N4BP3: variants seen among roughly 807,000 people sequenced by gnomAD.
N4BP3 encodes the protein NEDD4-binding protein 3.
Under a neutral mutation model 43.8 loss-of-function variants are expected in N4BP3, and 33 were observed. That is an observed-to-expected ratio of 0.75 (90% CI 0.57 to 1.01). The LOEUF (loss-of-function observed/expected upper bound fraction) is 1.01, where lower values mean the gene tolerates loss of function less well. Among genes scored for constraint, N4BP3 ranks in the 50% least tolerant of loss-of-function variants. The probability of loss-of-function intolerance (pLI) is 0.00; values close to 1 mark genes in which losing one functional copy is unlikely to be tolerated. For synonymous variants in N4BP3, 326 were observed against 321.9 expected, an observed-to-expected ratio of 1.01 and a Z score of -0.14; for missense variants, 756 against 744.2, an observed-to-expected ratio of 1.02 and a Z score of -0.18.
chr5:178,117,388 G>A (rs1483595925), intron 1 of N4BP3, among the ~76,000 whole-genome samples: 1 of 152,060 alleles, frequency 6.6e-6, no homozygotes, highest in African/African-American at 2.4e-5. Context: ...TAGACATTGG[G>A]CAGCCATGAC....
At position 178,121,670 on chromosome 5, in the gene N4BP3, G is replaced by A. The variant is rs761823871; in HGVS notation, c.1304G>A (p.Arg435Gln). Residue 435 changes from arginine (R) to glutamine (Q), a missense_variant, in exon 5 of 5, where the codon CGG (arginine) becomes CAG (glutamine). Physicochemically the swap from Arg to Gln is conservative, Grantham distance 43. Transcript: ENST00000274605. Reference protein sequence around the residue: ...AVRSLQEQAPREEAPGSCETD... With the variant: ...AVRSLQEQAPQEEAPGSCETD... ...CGCAGCCTGCAGGAGCAGGCCCCTC[G>A]GGAGGAAGCCCCAGGCAGCTGTGAG... The A allele has an allele frequency of 2.0e-5, 33 of 1,611,642 alleles. No homozygotes were observed. Among genetic ancestry groups the A allele is most frequent in the Middle Eastern group, 1.6e-4 (1 of 6,082 alleles).
At chr5:178,115,871 T>C (rs1032222558) in intron 1 of N4BP3, among the ~76,000 whole-genome samples, 7 of 152,318 alleles carry the variant, frequency 4.6e-5, no homozygotes, top group Middle Eastern at 3.4e-3. Context: ...ATTCCAGTGC[T>C]GCCTGCTAAT....
At position 178,119,523 on chromosome 5, in the gene N4BP3, C is replaced by T. The variant is rs541568259; in HGVS notation, c.-30-31C>T. The T allele has an allele frequency of 1.3e-5, 19 of 1,467,056 alleles. No individual in the cohort carries two copies. In the Admixed American group the frequency reaches 2.3e-4, roughly 18 times the overall value. The allele number at this position is 1,467,056 out of a possible 1,614,324, so 90.9% of individuals were successfully genotyped here. On this transcript the variant is annotated intron_variant, in intron 1 of 4. Transcript: ENST00000274605. ...AGGGAAGTTGGGCAGCCAGTGCTCA[C>T]CTGCCCCTAATGGAGCCTCCCAATT...
Position 178,121,194 on chromosome 5 carries a change from C to A in N4BP3, c.949C>A (p.Arg317Ser). The change falls in exon 4 of 5, where the codon CGC becomes AGC. Residue 317 changes from arginine to serine, a missense_variant. Physicochemically the swap from Arg to Ser is moderately radical, Grantham distance 110. Coordinates refer to ENST00000274605, the MANE Select transcript of N4BP3 (RefSeq NM_015111.2). ...GACCCAGAAGGCTGAGCGCAGCGAG[C>A]GCAACCTCCAGCTGCAGCTGTTTAT... ...EVTQKAERSE[R>S]NLQLQLFMAQ... 1 of 1,601,856 alleles carries A rather than the reference C, an allele frequency of 6.2e-7. No homozygotes were observed.
rs900980154 is a variant in N4BP3 at position 178,122,727 on chromosome 5, C to T, written c.*726C>T. ...GCATTTTGAGAACATGAAATGTCTT[C>T]TTGGTGGGAAGGCTGGGCCCCAGGA... On this transcript the variant is annotated 3_prime_UTR_variant, in exon 5 of 5. Coordinates refer to ENST00000274605, the MANE Select transcript of N4BP3 (RefSeq NM_015111.2). 9.2e-5 allele frequency: 14 copies of T among 152,244 alleles called. No homozygotes were observed. Among genetic ancestry groups the T allele is most frequent in the African/African-American group, 3.4e-4 (14 of 41,454 alleles). 9.4% of individuals were successfully genotyped at this position (152,244 alleles called of 1,614,324 possible).
rs1379698366 is a variant in N4BP3, at chr5:178,120,584, C to T, written c.737C>T (p.Pro246Leu). 13 of 1,612,754 alleles carry T rather than the reference C, an allele frequency of 8.1e-6. No individual in the cohort carries two copies. In the East Asian group the frequency reaches 2.9e-4, roughly 36 times the overall value. ...CTGAGCTGCCTGCCCGAGCCACCAC[C>T]CCCCTACGAGTTCTCCTGCTCCTCT... Reference protein sequence around the residue: ...AVLSCLPEPPPPYEFSCSSAE... With the variant: ...AVLSCLPEPPLPYEFSCSSAE... The change falls in exon 3 of 5, where the codon CCC becomes CTC. Residue 246 changes from proline to leucine, a missense_variant. Physicochemically the swap from Pro to Leu is moderately conservative, Grantham distance 98. Transcript: ENST00000274605.
rs752611354 is a variant in N4BP3, at chr5:178,119,826, C to T, written c.243C>T (p.Ala81=). ...NTKRAPRNEP[A]DYATLYYREH... Reference sequence around the variant, plus strand: ...AGCGGGCCCCTCGGAACGAGCCTGCCGACTATGCCACCCTCTACTACCGGG... The same window carrying T: ...AGCGGGCCCCTCGGAACGAGCCTGCTGACTATGCCACCCTCTACTACCGGG... Residue 81 remains alanine, a synonymous_variant, in exon 2 of 5, where the codon GCC becomes GCT. Transcript: ENST00000274605. The T allele has an allele frequency of 5.3e-5, 85 of 1,613,188 alleles. No homozygotes were observed. The highest frequency in any genetic ancestry group is 2.7e-4 in the East Asian group (12 of 44,888).
rs1261922905 is a variant in N4BP3 at position 178,120,576 on chromosome 5, G to A, written c.729G>A (p.Glu243=). The change falls in exon 3 of 5, where the codon GAG becomes GAA. Residue 243 remains glutamate (E), a synonymous_variant. Transcript: ENST00000274605. ...CAGCTGTGCTGAGCTGCCTGCCCGA[G>A]CCACCACCCCCCTACGAGTTCTCCT... ...GPPAVLSCLP[E]PPPPYEFSCS... is the part of the protein sequence containing the mutation. The A allele has an allele frequency of 6.2e-7, 1 of 1,612,928 alleles. No individual in the cohort carries two copies. The highest frequency in any genetic ancestry group is 8.5e-7 in the Non-Finnish European group (1 of 1,180,020).
chr5:178,120,613 G>A lies in N4BP3; in HGVS notation c.766G>A (p.Glu256Lys), dbSNP rs149557280. ...PPYEFSCSSA[E>K]EMGAVLPETC... is the part of the protein sequence containing the mutation. ...CTACGAGTTCTCCTGCTCCTCTGCC[G>A]AGGAAATGGGAGCCGTGCTGCCCGA... is the stretch of plus-strand genomic sequence containing the variant. Residue 256 changes from glutamate to lysine, a missense_variant, in exon 3 of 5, where the codon GAG becomes AAG. Physicochemically the swap from Glu to Lys is moderately conservative, Grantham distance 56. Transcript: ENST00000274605. The A allele has an allele frequency of 8.2e-5, 132 of 1,611,016 alleles. No homozygotes were observed. In the East Asian group the frequency reaches 2.4e-3, roughly 29 times the overall value.
chr5:178,114,118 C>G (rs941266977), intron 1 of N4BP3, among the ~76,000 whole-genome samples: 1 of 152,174 alleles, frequency 6.6e-6, no homozygotes, highest in Admixed American at 6.5e-5. Context: ...TCCTTGGCGC[C>G]GGCGTCTGAC....
chr5:178,114,082 T>G (rs1757712524), intron 1 of N4BP3, among the ~76,000 whole-genome samples: 1 of 151,950 alleles, frequency 6.6e-6, no homozygotes, highest in Admixed American at 6.5e-5. Flanking sequence ...GCGGGACCCC[T>G]GCGCCACGGC....
At chr5:178,119,496 C>A in intron 1 of N4BP3, 58 bp from the exon 2 acceptor site, 1 of 1,306,658 alleles carries the variant, frequency 7.7e-7, no homozygotes. Flanking sequence ...TTTTCAGGCC[C>A]CAGGGAAGTT....
chr5:178,120,389 G>C lies in N4BP3; in HGVS notation c.542G>C (p.Gly181Ala). 6.2e-7 allele frequency: 1 copy of C among 1,612,772 alleles called. No individual in the cohort carries two copies. ...CACGCCCTCAGCCTAGATGAGGGCGGCCCTGAGCCCGAGCCCAGCCTGTCC... is the reference window on the plus strand; with the variant it reads ...CACGCCCTCAGCCTAGATGAGGGCGCCCCTGAGCCCGAGCCCAGCCTGTCC... ...LLHALSLDEGGPEPEPSLSDS... is the reference protein window; with the variant it reads ...LLHALSLDEGAPEPEPSLSDS... Residue 181 changes from glycine to alanine, a missense_variant, in exon 3 of 5, where the codon GGC becomes GCC. By Grantham distance (60) the Gly-to-Ala change is moderately conservative (BLOSUM62 0). Transcript: ENST00000274605.
At position 178,121,805 on chromosome 5, in the gene N4BP3, A is replaced by G; in HGVS notation, c.1439A>G (p.Gln480Arg). ...AELLQERLRG[Q>R]EQALRFEQER... ...CTGCTGCAGGAGCGACTTCGGGGCC[A>G]GGAGCAGGCGCTGCGCTTTGAGCAG... Residue 480 changes from glutamine (Q) to arginine (R), a missense_variant, in exon 5 of 5, where the codon CAG (glutamine) becomes CGG (arginine). Transcript: ENST00000274605. 1 of 1,609,208 alleles carries G rather than the reference A, an allele frequency of 6.2e-7. No individual in the cohort carries two copies. Among genetic ancestry groups the G allele is most frequent in the Non-Finnish European group, 8.5e-7 (1 of 1,179,332 alleles).
At position 178,122,053 on chromosome 5, in the gene N4BP3, C is replaced by T. The variant is rs778921420; in HGVS notation, c.*52C>T. 11 of 1,514,428 alleles carry T rather than the reference C, an allele frequency of 7.3e-6. No individual in the cohort carries two copies. Among genetic ancestry groups the T allele is most frequent in the African/African-American group, 1.4e-5 (1 of 72,476 alleles). The allele number at this position is 1,514,428 out of a possible 1,614,324, so 93.8% of individuals were successfully genotyped here. The stretch of plus-strand genomic sequence containing the variant: ...AACACTGTCAGAAGGTGCCCTGAGA[C>T]GGCCGGCTCAGCCTTCCCTTGCACT... On this transcript the variant is annotated 3_prime_UTR_variant, in exon 5 of 5. Transcript: ENST00000274605.
At position 178,121,209 on chromosome 5, in the gene N4BP3, C is replaced by T; in HGVS notation, c.964C>T (p.Gln322Ter). 1 of 1,603,048 alleles carries T rather than the reference C, an allele frequency of 6.2e-7. No homozygotes were observed. Among genetic ancestry groups the T allele is most frequent in the Non-Finnish European group, 8.5e-7 (1 of 1,176,676 alleles). The change falls in exon 4 of 5, where the codon CAG (glutamine) becomes TAG (stop). Residue 322 changes from glutamine (Q) to a stop codon, truncating the protein, a stop_gained. Transcript: ENST00000274605. LOFTEE classifies it high-confidence loss of function. ...GCGCAGCGAGCGCAACCTCCAGCTG[C>T]AGCTGTTTATGGCTCAGCAGGAGCA... ...AERSERNLQLQLFMAQQEQRR... is the reference protein window; with the variant it reads ...AERSERNLQL
intron 1 of N4BP3, among the ~76,000 whole-genome samples, chr5:178,114,306 C>T (rs1190998766): frequency 6.6e-6 from 1 of 152,218 alleles, no homozygotes; most frequent in African/African-American, 2.4e-5. Context: ...CCTCGTTTGC[C>T]CCTCTGACTT....
chr5:178,115,117 G>C (rs114361941), intron 1 of N4BP3, among the ~76,000 whole-genome samples: 78 of 152,288 alleles, frequency 5.1e-4, no homozygotes, highest in African/African-American at 1.8e-3. Context: ...GGTAATTACT[G>C]TCCTGTTTGC....
Position 178,121,986 on chromosome 5 carries a change from G to C in N4BP3, c.1620G>C (p.Glu540Asp), listed in dbSNP as rs1214700142. The change falls in exon 5 of 5, where the codon GAG becomes GAC. Residue 540 changes from glutamate to aspartate, a missense_variant. By Grantham distance (45) the Glu-to-Asp change is conservative. Coordinates refer to ENST00000274605, the MANE Select transcript of N4BP3 (RefSeq NM_015111.2). Reference protein sequence around the residue: ...EPPTPWSPRLESSKI With the variant: ...EPPTPWSPRLDSSKI ...CCACACCCTGGAGTCCCCGGCTCGA[G>C]TCCTCCAAGATCTGAGGCCAGCAGA... 3 of 1,598,576 alleles carry C rather than the reference G, an allele frequency of 1.9e-6. No homozygotes were observed. In the Admixed American group the frequency reaches 5.1e-5, roughly 27 times the overall value.
Sources: allele counts gnomAD v4.1 joint callset (sites outside exome capture counted in the v4.1 genomes callset), GRCh38; gene constraint gnomAD v4.1.1; transcripts MANE v1.5; gene names NCBI Gene and HGNC (gene_info 2026-07-23, HGNC 2026-07-21).